L3MBTL4: variants seen among roughly 807,000 people sequenced by gnomAD.
The protein encoded by L3MBTL4 is lethal(3)malignant brain tumor-like protein 4.
A neutral mutation model predicts 84.5 loss-of-function variants in L3MBTL4; 70 were observed. The ratio of observed to expected loss-of-function variants is 0.83; its 90% CI spans 0.68 to 1.01. The LOEUF is 1.01. Among genes scored for constraint, L3MBTL4 ranks in the 50% least tolerant of loss-of-function variants. L3MBTL4 has a pLI of 0.00. For synonymous variants in L3MBTL4, 274 were observed against 259.8 expected (o/e 1.05, Z -0.52); for missense variants, 715 against 754.8 (o/e 0.95, Z 0.62).
Position 6,317,876 on chromosome 18 carries a change from G to GA in L3MBTL4, c.-90-5821dup, listed in dbSNP as rs556933718. On this transcript the variant is annotated intron_variant, in intron 1 of 18. Transcript: ENST00000317931. ...CAAAATGCAATAGGTAACATATAAAGAAAAATCTATCAAACTAACAGCAGT... is the reference window on the plus strand; with the variant it reads ...CAAAATGCAATAGGTAACATATAAAGAAAAAATCTATCAAACTAACAGCAGT... Among the ~76,000 whole-genome samples the GA allele has an allele frequency of 2.6e-3, 401 of 152,192 alleles. 1 individual carries two copies. Among genetic ancestry groups the GA allele is most frequent in the Non-Finnish European group, 4.5e-3 (306 of 67,966 alleles).
chr18:6,383,907 C>G (rs971591410), intron 1 of L3MBTL4, among the ~76,000 whole-genome samples: 5 of 152,304 alleles, frequency 3.3e-5, no homozygotes, highest in Admixed American at 6.5e-5. Context: ...GGATCAGGTA[C>G]AGTTTTTAAA....
rs139942890 is a variant in L3MBTL4, at chr18:6,347,516, C to T, written c.-90-35460G>A. On this transcript the variant is annotated intron_variant, in intron 1 of 18. Coordinates refer to ENST00000317931, the MANE Select transcript of L3MBTL4 (RefSeq NM_001330559.2). ...ATATCTTTTTATATGTCAATCATAC[C>T]TCAATATTCTAAAATTAATTAATTA... Among the ~76,000 whole-genome samples, 201 of 150,958 alleles carry T rather than the reference C, an allele frequency of 1.3e-3. 1 individual carries two copies. Among genetic ancestry groups the T allele is most frequent in the African/African-American group, 4.7e-3 (194 of 41,214 alleles).
chr18:6,218,399 C>T, intron 10 of L3MBTL4, among the ~76,000 whole-genome samples: 1 of 152,174 alleles, frequency 6.6e-6, no homozygotes, highest in East Asian at 1.9e-4. Context: ...CCCTTCCATG[C>T]TGGGCTTCTT....
At chr18:6,263,420 C>T (rs1402169602) in intron 5 of L3MBTL4, among the ~76,000 whole-genome samples, 1 of 151,962 alleles carries the variant, frequency 6.6e-6, no homozygotes, top group Non-Finnish European at 1.5e-5. Flanking sequence ...CCTGTAAGGC[C>T]CAGATGGTCA....
chr18:6,203,920 C>T (rs2045757497), intron 12 of L3MBTL4, among the ~76,000 whole-genome samples: 1 of 152,214 alleles, frequency 6.6e-6, no homozygotes, highest in Admixed American at 6.5e-5. Context: ...GCCTCAGCTG[C>T]CACATGGCTG....
intron 10 of L3MBTL4, among the ~76,000 whole-genome samples, chr18:6,221,278 C>T (rs2046539535): frequency 1.3e-5 from 2 of 151,858 alleles, no homozygotes; most frequent in African/African-American, 2.4e-5. Context: ...TACTGGTGGC[C>T]AATTCAGGAA....
At chr18:6,318,520 A>AAAAAAAAAAAAAAAAAAAAAT (rs2051233058) in intron 1 of L3MBTL4, among the ~76,000 whole-genome samples, 1 of 147,672 alleles carries the variant, frequency 6.8e-6, no homozygotes, top group Non-Finnish European at 1.5e-5. Flanking sequence ...AAAAAAAAAA[A>AAAAAAAAAAAAAAAAAAAAAT]AAAAAGACAA....
intron 16 of L3MBTL4, among the ~76,000 whole-genome samples, chr18:5,993,629 A>AC (rs2053806982): frequency 1.3e-5 from 2 of 152,208 alleles, no homozygotes; most frequent in African/African-American, 4.8e-5. Context: ...TTGCTCACCA[A>AC]AGAAAATAAT....
intron 13 of L3MBTL4, among the ~76,000 whole-genome samples, chr18:6,170,427 T>C (rs1193540342): frequency 6.6e-6 from 1 of 152,034 alleles, no homozygotes; most frequent in Non-Finnish European, 1.5e-5. Flanking sequence ...TTGGTGACTG[T>C]TTATATGTGT....
At chr18:6,392,139 G>T (rs1021490172) in intron 1 of L3MBTL4, among the ~76,000 whole-genome samples, 7 of 152,108 alleles carry the variant, frequency 4.6e-5, no homozygotes, top group African/African-American at 1.7e-4. Flanking sequence ...GCATGGTACT[G>T]GTATAAAAGT....
chr18:6,340,535 G>A (rs2052555972), intron 1 of L3MBTL4, among the ~76,000 whole-genome samples: 2 of 152,080 alleles, frequency 1.3e-5, no homozygotes, highest in Admixed American at 6.5e-5. Flanking sequence ...AATATTGAGG[G>A]GATGAGTACA....
intron 14 of L3MBTL4, among the ~76,000 whole-genome samples, chr18:6,110,139 T>A (rs1419761229): frequency 6.6e-6 from 1 of 152,156 alleles, no homozygotes; most frequent in Non-Finnish European, 1.5e-5. Flanking sequence ...GCTGGGAGTG[T>A]CTCTGCTTCT....
chr18:5,991,683 G>C (rs1324154521), intron 16 of L3MBTL4, among the ~76,000 whole-genome samples: 1 of 152,082 alleles, frequency 6.6e-6, no homozygotes, highest in East Asian at 1.9e-4. Context: ...CAAAGAATTA[G>C]CCAGCCCCAC....
At chr18:6,351,613 G>A (rs1189874263) in intron 1 of L3MBTL4, among the ~76,000 whole-genome samples, 3 of 151,692 alleles carry the variant, frequency 2.0e-5, no homozygotes, top group African/African-American at 7.3e-5. Context: ...GTGCAGTGGC[G>A]TGATCTCGGC....
At chr18:6,217,763 C>T (rs1362325094) in intron 10 of L3MBTL4, among the ~76,000 whole-genome samples, 1 of 152,014 alleles carries the variant, frequency 6.6e-6, no homozygotes, top group African/African-American at 2.4e-5. Flanking sequence ...AGAAAATTTC[C>T]CTTTCCCTTT....
chr18:6,268,652 A>G (rs919235255), intron 4 of L3MBTL4, among the ~76,000 whole-genome samples: 1 of 152,196 alleles, frequency 6.6e-6, no homozygotes, highest in African/African-American at 2.4e-5. Flanking sequence ...AACCAACTTC[A>G]TAAACCCTAA....
intron 10 of L3MBTL4, among the ~76,000 whole-genome samples, chr18:6,233,136 C>T (rs866390928): frequency 3.6e-4 from 55 of 152,112 alleles, no homozygotes; most frequent in African/African-American, 1.3e-3. Context: ...ACGCTAAAAA[C>T]TCTCAATAAA....
At chr18:6,252,916 C>T (rs2047985992) in intron 5 of L3MBTL4, among the ~76,000 whole-genome samples, 1 of 152,092 alleles carries the variant, frequency 6.6e-6, no homozygotes, top group African/African-American at 2.4e-5. Context: ...CCTTAAAACC[C>T]CCTGGGGCCG....
chr18:5,991,098 C>T (rs566160218), intron 16 of L3MBTL4, among the ~76,000 whole-genome samples: 1 of 152,240 alleles, frequency 6.6e-6, no homozygotes, highest in African/African-American at 2.4e-5. Flanking sequence ...ATGCCCACCC[C>T]TCTTCTCTTT....
Sources: allele counts gnomAD v4.1 joint callset (sites outside exome capture counted in the v4.1 genomes callset), GRCh38; gene constraint gnomAD v4.1.1; transcripts MANE v1.5; gene names NCBI Gene and HGNC (gene_info 2026-07-23, HGNC 2026-07-21).